The following COL25A1 variants were observed in gnomAD, a reference collection of about 807,000 sequenced individuals.
The protein encoded by COL25A1 is collagen type XXV alpha 1 chain.
In COL25A1, 103 loss-of-function variants were observed where a neutral mutation model predicts 128.4. The ratio of observed to expected loss-of-function variants is 0.80; its 90% confidence interval spans 0.68 to 0.94. The LOEUF (loss-of-function observed/expected upper bound fraction) is 0.94, where lower values mean the gene tolerates loss of function less well. COL25A1 is among the 40% of genes least tolerant of loss of function. The pLI, the probability that COL25A1 is intolerant of heterozygous loss-of-function variation, is 0.00. For missense variants in COL25A1, 745 were observed against 840.0 expected, an observed-to-expected ratio of 0.89 and a Z score of 1.40; for synonymous variants, 279 against 277.2, an observed-to-expected ratio of 1.01 and a Z score of -0.06.
chr4:109,125,294 A>C (rs1371448887), intron 3 of COL25A1, among the ~76,000 whole-genome samples: 4 of 152,158 alleles, frequency 2.6e-5, no homozygotes, highest in Non-Finnish European at 5.9e-5. Context: ...CAGTTGCTGC[A>C]ATCTAGGTAG....
At chr4:109,112,450 T>A (rs990478314) in intron 3 of COL25A1, among the ~76,000 whole-genome samples, 2 of 152,102 alleles carry the variant, frequency 1.3e-5, no homozygotes, top group African/African-American at 2.4e-5. Flanking sequence ...TCCTCTTTGG[T>A]TAAGAATTAT....
intron 3 of COL25A1, among the ~76,000 whole-genome samples, chr4:109,212,944 A>C (rs1777690960): frequency 6.6e-6 from 1 of 152,120 alleles, no homozygotes. Flanking sequence ...TCTTCACCAC[A>C]TATATAGGAG....
At position 108,817,387 on chromosome 4, in the gene COL25A1, T is replaced by C. The variant is rs765570965; in HGVS notation, c.1962+10A>G. 9 of 1,612,956 alleles carry C rather than the reference T, an allele frequency of 5.6e-6. No homozygotes were observed. Among genetic ancestry groups the C allele is most frequent in the Non-Finnish European group, 6.8e-6 (8 of 1,179,192 alleles). The stretch of plus-strand genomic sequence containing the variant: ...GTGCTTCTTTTGAGAAATTATTCAG[T>C]AAAGCCTACCTTTTGCCAACAGCCA... On this transcript the variant is annotated intron_variant, in intron 37 of 37. Transcript: ENST00000399132.
intron 22 of COL25A1, 108 bp downstream of exon 22, chr4:108,862,393 G>T (rs1278776708): frequency 9.7e-6 from 8 of 828,422 alleles, no homozygotes; most frequent in Non-Finnish European, 1.7e-5. Context: ...GTTCCACTGT[G>T]TGAAAGAGTT....
chr4:109,071,307 T>G (rs2125983064), intron 3 of COL25A1, among the ~76,000 whole-genome samples: 1 of 152,262 alleles, frequency 6.6e-6, no homozygotes, highest in South Asian at 2.1e-4. Flanking sequence ...CAAGATGGAT[T>G]AAAGACTTAC....
At position 109,302,260 on chromosome 4, in the gene COL25A1, G is replaced by A; in HGVS notation, c.-148C>T. ...TGGAAGTGAAAAGCACCCTCCGTCC[G>A]GGGACTGGGTGGCGGTGGGGTAAAA... On this transcript the variant is annotated 5_prime_UTR_variant, in exon 1 of 38. Transcript: ENST00000399132. The A allele has an allele frequency of 2.0e-6, 1 of 512,102 alleles. No individual in the cohort carries two copies. The highest frequency in any genetic ancestry group is 3.4e-6 in the Non-Finnish European group (1 of 298,012). 31.7% of individuals were successfully genotyped at this position (512,102 alleles called of 1,614,324 possible).
intron 3 of COL25A1, among the ~76,000 whole-genome samples, chr4:109,057,296 C>G (rs1202932540): frequency 6.6e-6 from 1 of 151,990 alleles, no homozygotes; most frequent in Admixed American, 6.6e-5. Context: ...GGGACAGAGT[C>G]TTACTCTGTC....
chr4:109,087,309 T>A (rs1258520240), intron 3 of COL25A1, among the ~76,000 whole-genome samples: 1 of 151,532 alleles, frequency 6.6e-6, no homozygotes, highest in Non-Finnish European at 1.5e-5. Context: ...AACCTTAAGA[T>A]TGCATGAAAC....
At chr4:108,835,859 G>GTTTTTTTTTTTTTTTTTT (rs1560721327) in intron 31 of COL25A1, among the ~76,000 whole-genome samples, 3 of 89,510 alleles carry the variant, frequency 3.4e-5, no homozygotes, top group Non-Finnish European at 6.3e-5. Flanking sequence ...GCTTACATAC[G>GTTTTTTTTTTTTTTTTTT]TCTTTTTTTT....
chr4:109,052,572 A>G (rs1329061235), intron 3 of COL25A1, among the ~76,000 whole-genome samples: 1 of 152,224 alleles, frequency 6.6e-6, no homozygotes, highest in Non-Finnish European at 1.5e-5. Flanking sequence ...GGAATCAGAA[A>G]ACTGCAGGGA....
At chr4:108,908,780 G>A (rs1743847773) in intron 13 of COL25A1, among the ~76,000 whole-genome samples, 1 of 152,126 alleles carries the variant, frequency 6.6e-6, no homozygotes, top group Admixed American at 6.5e-5. Flanking sequence ...GGAGATCAGA[G>A]TTTTTAAGGA....
At chr4:109,160,447 CTAAG>C (rs1772454602) in intron 3 of COL25A1, among the ~76,000 whole-genome samples, 2 of 152,078 alleles carry the variant, frequency 1.3e-5, no homozygotes, top group Non-Finnish European at 2.9e-5. Context: ...ATACTTAACC[CTAAG>C]TAATAAACAT....
At chr4:108,869,173 GATCATTA>G in intron 19 of COL25A1, 23 bp from the exon 20 acceptor site, 1 of 1,195,712 alleles carries the variant, frequency 8.4e-7, no homozygotes, top group Non-Finnish European at 1.2e-6. Context: ...GGGCATATGA[GATCATTA>G]ATCATTTGAC....
intron 3 of COL25A1, among the ~76,000 whole-genome samples, chr4:109,228,790 C>A (rs1255520832): frequency 1.3e-5 from 2 of 152,170 alleles, no homozygotes; most frequent in Non-Finnish European, 2.9e-5. Flanking sequence ...ACCACCATCC[C>A]TTGATTTGCA....
chr4:108,973,056 G>A (rs1482056509), intron 8 of COL25A1, among the ~76,000 whole-genome samples: 2 of 152,162 alleles, frequency 1.3e-5, no homozygotes, highest in African/African-American at 2.4e-5. Flanking sequence ...AATGGAAACA[G>A]TTTCCCTCTT....
chr4:109,016,179 T>G (rs1293935817), intron 5 of COL25A1, among the ~76,000 whole-genome samples: 1 of 152,216 alleles, frequency 6.6e-6, no homozygotes, highest in African/African-American at 2.4e-5. Flanking sequence ...ACTCCTAGTG[T>G]CTGCTCCAGG....
chr4:109,016,212 C>T (rs753064344), intron 5 of COL25A1, among the ~76,000 whole-genome samples: 2 of 152,242 alleles, frequency 1.3e-5, no homozygotes, highest in Non-Finnish European at 2.9e-5. Flanking sequence ...TGTGGCCGAG[C>T]CCAGACACTC....
intron 5 of COL25A1, among the ~76,000 whole-genome samples, chr4:109,040,225 A>G (rs554982701): frequency 5.3e-5 from 8 of 152,344 alleles, no homozygotes; most frequent in South Asian, 4.1e-4. Context: ...ATTATAGTCC[A>G]TGACCCAGTT....
At chr4:108,990,174 T>C (rs1442930586) in intron 6 of COL25A1, among the ~76,000 whole-genome samples, 1 of 119,804 alleles carries the variant, frequency 8.3e-6, no homozygotes, top group Non-Finnish European at 1.6e-5. Context: ...ATCACACCAT[T>C]GCACTCCAGC....
Sources: allele counts gnomAD v4.1 joint callset (sites outside exome capture counted in the v4.1 genomes callset), GRCh38; gene constraint gnomAD v4.1.1; transcripts MANE v1.5; gene names NCBI Gene and HGNC (gene_info 2026-07-23, HGNC 2026-07-21).